PITPNM2: variants seen among roughly 807,000 people sequenced by gnomAD.
PITPNM2 encodes the protein membrane-associated phosphatidylinositol transfer protein 2.
A neutral mutation model predicts 132.2 loss-of-function variants in PITPNM2; 35 were observed. That is an observed-to-expected ratio of 0.26 (90% confidence interval 0.20 to 0.35). The LOEUF is 0.35. Ranked by LOEUF, PITPNM2 falls within the 10% of genes least tolerant of loss-of-function variation. The pLI, the probability that PITPNM2 is intolerant of heterozygous loss-of-function variation, is 1.00. For missense variants in PITPNM2, 1,332 were observed against 1,912.0 expected, an observed-to-expected ratio of 0.70 and a Z score of 5.66; for synonymous variants, 738 against 799.2, an observed-to-expected ratio of 0.92 and a Z score of 1.29.
chr12:123,010,193 G>T, intron 5 of PITPNM2, 116 bp from the exon 6 acceptor site: 2 of 823,626 alleles, frequency 2.4e-6, no homozygotes, highest in South Asian at 3.4e-5. Flanking sequence ...CCCTGCCAGA[G>T]GGACCCTGGG....
Position 122,985,893 on chromosome 12 carries a change from G to A in PITPNM2, c.*134C>T. On this transcript the variant is annotated 3_prime_UTR_variant, in exon 26 of 26. Transcript: ENST00000320201. ...CAGGGCAGGGAGCACTGTGTGGTGC[G>A]GCCCGTGTCCTCCACAAGGCCCTGG... 6 of 832,940 alleles carry A rather than the reference G, an allele frequency of 7.2e-6. No individual in the cohort carries two copies. Among genetic ancestry groups the A allele is most frequent in the Admixed American group, 4.3e-5 (1 of 23,418 alleles). The allele number at this position is 832,940 out of a possible 1,614,324, so 51.6% of individuals were successfully genotyped here.
In PITPNM2 at chr12:123,109,490, C is replaced by CT. The variant is rs147865442; in HGVS notation, c.-96+894dup. On this transcript the variant is annotated intron_variant, in intron 2 of 25. Transcript: ENST00000320201. ...CTCAAGACAGAGGCTCAGGCCCACC[C>CT]TCCACTCAGCCTTGGCTTCTCACTG... Among the ~76,000 whole-genome samples, 236 of 152,348 alleles carry CT rather than the reference C, an allele frequency of 1.5e-3. No individual in the cohort carries two copies. In the East Asian group the frequency reaches 0.032, roughly 21 times the overall value.
At position 123,082,760 on chromosome 12, in the gene PITPNM2, CAG is replaced by C. The variant is rs2042003311; in HGVS notation, c.-96+27623_-96+27624del. The C allele has an allele frequency of 6.6e-6, 1 of 152,248 alleles. No homozygotes were observed. The highest frequency in any genetic ancestry group is 2.1e-4 in the South Asian group (1 of 4,828). The allele number at this position is 152,248 out of a possible 1,614,324, so 9.4% of individuals were successfully genotyped here. ...CATCTTAGCCACTCCCAAGTGCACA[CAG>C]TTCTATGGCATTAGGCACATTCACA... On this transcript the variant is annotated intron_variant, in intron 2 of 25. Transcript: ENST00000320201. The surrounding 1 kb of genome is among the most constrained non-coding windows in gnomAD (Gnocchi z 5.4).
In PITPNM2 at chr12:122,993,703, G is replaced by A. The variant is rs183683411; in HGVS notation, c.2234-1034C>T. Among the ~76,000 whole-genome samples, 5 of 152,332 alleles carry A rather than the reference G, an allele frequency of 3.3e-5. No homozygotes were observed. Among genetic ancestry groups the A allele is most frequent in the Admixed American group, 6.5e-5 (1 of 15,304 alleles). On this transcript the variant is annotated intron_variant, in intron 15 of 25. Transcript: ENST00000320201. This position sits in a 1 kb window ranked among gnomAD's most constrained non-coding sequence, Gnocchi z 5.2. Reference sequence around the variant, plus strand: ...TCTCCATGCACCTGTGTGGGACTCTGTGGGGCTGTTCAGAGCCTGCAGTGG... The same window carrying A: ...TCTCCATGCACCTGTGTGGGACTCTATGGGGCTGTTCAGAGCCTGCAGTGG...
chr12:122,994,855 A>T lies in PITPNM2; in HGVS notation c.2179T>A (p.Cys727Ser). ...AAGGCCAGGACCAGCCCCAGCGGGC[A>T]CCCGAAGAGGAAGAGGTCGGTGATC... The part of the protein sequence containing the change: ...FEITDLFLFG[C>S]PLGLVLALRK... The change falls in exon 15 of 26, where the codon TGC (cysteine) becomes AGC (serine). Residue 727 changes from cysteine to serine, a missense_variant. Cys to Ser is a moderately radical substitution (Grantham distance 112, BLOSUM62 -1). This residue lies in a region of PITPNM2 where 710 missense variants were observed against 911.5 expected (regional missense o/e 0.78). Transcript: ENST00000320201. The surrounding 1 kb of genome is among the most constrained non-coding windows in gnomAD (Gnocchi z 5.4). The T allele has an allele frequency of 1.9e-6, 3 of 1,611,904 alleles. No individual in the cohort carries two copies. The highest frequency in any genetic ancestry group is 2.5e-6 in the Non-Finnish European group (3 of 1,179,880).
At chr12:123,059,742 G>T (rs2041170599) in intron 2 of PITPNM2, among the ~76,000 whole-genome samples, 3 of 152,216 alleles carry the variant, frequency 2.0e-5, no homozygotes, top group Admixed American at 2.0e-4. Flanking sequence ...TGATTCTGTG[G>T]CTATGAAACA....
At chr12:123,127,926 C>G (rs1031613008) in intron 1 of PITPNM2, among the ~76,000 whole-genome samples, 1 of 152,016 alleles carries the variant, frequency 6.6e-6, no homozygotes, top group African/African-American at 2.4e-5. Context: ...TTTTCCTAGC[C>G]TGTTGCATTG....
intron 1 of PITPNM2, among the ~76,000 whole-genome samples, chr12:123,146,268 C>T (rs1022394169): frequency 6.6e-6 from 1 of 151,976 alleles, no homozygotes. Context: ...ACAAGTCTAC[C>T]GACACAACAA....
At chr12:123,102,399 C>G (rs1331983189) in intron 2 of PITPNM2, among the ~76,000 whole-genome samples, 1 of 152,210 alleles carries the variant, frequency 6.6e-6, no homozygotes, top group African/African-American at 2.4e-5. Flanking sequence ...TGGGGCAGCC[C>G]ATACACCAAT....
At position 123,097,665 on chromosome 12, in the gene PITPNM2, C is replaced by A. The variant is rs1054686366; in HGVS notation, c.-96+12720G>T. On this transcript the variant is annotated intron_variant, in intron 2 of 25. Transcript: ENST00000320201. The surrounding 1 kb of genome is among the most constrained non-coding windows in gnomAD (Gnocchi z 4.7). ...CCTCACTTGCCTGCCTGCCTGCCTT[C>A]CTTGCCTGCCTGTCTGCCTTCCACT... Among the ~76,000 whole-genome samples the A allele has an allele frequency of 6.6e-6, 1 of 152,220 alleles. No homozygotes were observed. Among genetic ancestry groups the A allele is most frequent in the East Asian group, 1.9e-4 (1 of 5,198 alleles).
chr12:122,989,437 C>T (rs1486675627), intron 18 of PITPNM2, among the ~76,000 whole-genome samples: 1 of 152,180 alleles, frequency 6.6e-6, no homozygotes. Context: ...CGAGGACAAC[C>T]TTCCTGAACA....
At chr12:123,070,116 A>G (rs2041579868) in intron 2 of PITPNM2, among the ~76,000 whole-genome samples, 1 of 152,178 alleles carries the variant, frequency 6.6e-6, no homozygotes, top group African/African-American at 2.4e-5. Context: ...CAGAGGTTCT[A>G]CTAGCCTTGA....
At chr12:122,991,840 G>A in intron 16 of PITPNM2, 1 of 1,305,776 alleles carries the variant, frequency 7.7e-7, no homozygotes, top group Non-Finnish European at 9.7e-7. Flanking sequence ...CCCCGTGGGG[G>A]AGAGGGGCCA....
In PITPNM2 at chr12:123,014,057, G is replaced by T; in HGVS notation, c.79-15C>A. ...CGGCTCTTCTTCTGTGGGGACAAAA[G>T]CACCTGCAATGTGTGTGGGGCCAGA... On this transcript the variant is annotated splice_polypyrimidine_tract_variant and intron_variant, in intron 3 of 25. Transcript: ENST00000320201. The T allele has an allele frequency of 6.2e-7, 1 of 1,613,936 alleles. No individual in the cohort carries two copies. Among genetic ancestry groups the T allele is most frequent in the Non-Finnish European group, 8.5e-7 (1 of 1,179,866 alleles).
intron 2 of PITPNM2, among the ~76,000 whole-genome samples, chr12:123,045,961 G>C (rs555087096): frequency 1.3e-5 from 2 of 152,044 alleles, no homozygotes. Context: ...GTGTCCCAGC[G>C]AGGGTGTCAC....
chr12:123,046,911 C>G (rs1317721461), intron 2 of PITPNM2, among the ~76,000 whole-genome samples: 1 of 152,200 alleles, frequency 6.6e-6, no homozygotes, highest in African/African-American at 2.4e-5. Context: ...TCTTACTGTA[C>G]AGCCAGGATA....
chr12:123,020,647 C>T (rs1037571029), intron 3 of PITPNM2, among the ~76,000 whole-genome samples: 6 of 152,016 alleles, frequency 3.9e-5, no homozygotes, highest in African/African-American at 7.3e-5. Context: ...AGCAGGTAGG[C>T]CAGGTACTTA....
chr12:123,133,821 C>T (rs11057165), intron 1 of PITPNM2, among the ~76,000 whole-genome samples: 1,762 of 149,970 alleles, frequency 0.012, 11 homozygotes, highest in East Asian at 0.045. Context: ...CACAGACACA[C>T]ACACGCTCCT....
intron 2 of PITPNM2, among the ~76,000 whole-genome samples, chr12:123,069,539 C>A (rs903420679): frequency 3.3e-5 from 5 of 152,148 alleles, no homozygotes; most frequent in Non-Finnish European, 7.3e-5. Context: ...ATCAGATGGC[C>A]AGAGTCCTCT....
Sources: allele counts gnomAD v4.1 joint callset (sites outside exome capture counted in the v4.1 genomes callset), GRCh38; gene constraint gnomAD v4.1.1; regional missense constraint gnomAD v4.1.1; non-coding constraint Gnocchi (gnomAD v3.1); transcripts MANE v1.5; gene names NCBI Gene and HGNC (gene_info 2026-07-23, HGNC 2026-07-21).